PDGFRA: variants seen among roughly 807,000 people sequenced by gnomAD.
PDGFRA encodes platelet-derived growth factor receptor alpha.
In PDGFRA, 25 loss-of-function variants were observed where a neutral mutation model predicts 121.5. That is an observed-to-expected ratio of 0.21 (90% CI 0.15 to 0.29). PDGFRA has a LOEUF of 0.29. PDGFRA is among the 10% of genes least tolerant of loss of function. The pLI, the probability that PDGFRA is intolerant of heterozygous loss-of-function variation, is 1.00. For missense variants in PDGFRA, 1,008 were observed against 1,345.1 expected (o/e 0.75, Z 3.92); for synonymous variants, 463 against 494.8 (o/e 0.94, Z 0.85).
intron 16 of PDGFRA, among the ~76,000 whole-genome samples, chr4:54,283,290 C>A (rs2412557): frequency 0.74 from 112,747 of 151,994 alleles, 43,846 homozygotes; most frequent in Middle Eastern, 0.89. Context: ...TTTAATATAT[C>A]CTCCGAAATC....
chr4:54,248,514 T>C (rs1721833813), intron 1 of PDGFRA, among the ~76,000 whole-genome samples: 2 of 152,352 alleles, frequency 1.3e-5, no homozygotes, highest in African/African-American at 4.8e-5. Context: ...GCTAGCCATA[T>C]GTAGAAAGCT....
chr4:54,252,622 TA>T (rs1255870241), intron 1 of PDGFRA, among the ~76,000 whole-genome samples: 1 of 152,238 alleles, frequency 6.6e-6, no homozygotes, highest in Admixed American at 6.5e-5. Flanking sequence ...TTTTCACAGT[TA>T]GAATTAACTT....
At chr4:54,286,314 A>G (rs1560490005) in intron 18 of PDGFRA, among the ~76,000 whole-genome samples, 1 of 150,434 alleles carries the variant, frequency 6.6e-6, no homozygotes, top group Non-Finnish European at 1.5e-5. Flanking sequence ...CAATAATGTT[A>G]GCTATTTTAT....
At chr4:54,271,789 T>C in intron 8 of PDGFRA, among the ~76,000 whole-genome samples, 1 of 142,068 alleles carries the variant, frequency 7.0e-6, no homozygotes, top group African/African-American at 2.6e-5. Flanking sequence ...CCTTCCTCCC[T>C]CCCTCACTCT....
At chr4:54,258,298 T>A (rs1387178196) in intron 1 of PDGFRA, among the ~76,000 whole-genome samples, 1 of 152,120 alleles carries the variant, frequency 6.6e-6, no homozygotes, top group Non-Finnish European at 1.5e-5. Context: ...TGACACACAT[T>A]GTTGGAAGTT....
chr4:54,284,056 A>G (rs1275535522), intron 16 of PDGFRA, among the ~76,000 whole-genome samples: 1 of 152,210 alleles, frequency 6.6e-6, no homozygotes, highest in African/African-American at 2.4e-5. Flanking sequence ...TCTCAAGTTC[A>G]AACTTCCACA....
At chr4:54,231,319 T>C (rs1304703296) in intron 1 of PDGFRA, among the ~76,000 whole-genome samples, 1 of 152,206 alleles carries the variant, frequency 6.6e-6, no homozygotes, top group Non-Finnish European at 1.5e-5. Flanking sequence ...CGAGGCCAAA[T>C]TGCTCAATGT....
intron 2 of PDGFRA, 63 bp downstream of exon 2, chr4:54,258,880 T>C: frequency 1.5e-6 from 2 of 1,335,044 alleles, no homozygotes; most frequent in South Asian, 2.3e-5. Flanking sequence ...AGCTTTGTGC[T>C]GCATGGGTTT....
At chr4:54,292,465 C>T (rs186461008) in intron 22 of PDGFRA, among the ~76,000 whole-genome samples, 5 of 151,190 alleles carry the variant, frequency 3.3e-5, no homozygotes, top group East Asian at 2.0e-4. Context: ...GGGAGCTGAA[C>T]GATGAGGACA....
rs755195836 is a variant in PDGFRA, at chr4:54,290,405, C to T, written c.2973C>T (p.Val991=). The T allele has an allele frequency of 1.2e-5, 20 of 1,613,796 alleles. No individual in the cohort carries two copies. In the African/African-American group the frequency reaches 2.3e-4, roughly 18 times the overall value. The part of the protein sequence containing the change: ...RVDSDNAYIG[V]TYKNEEDKLK... ...ACTCAGACAATGCATACATTGGTGT[C>T]ACCTACAAAAACGAGGAAGACAAGC... Residue 991 remains valine (V), a synonymous_variant, in exon 22 of 23, where the codon GTC becomes GTT. Coordinates refer to ENST00000257290, the MANE Select transcript of PDGFRA (RefSeq NM_006206.6).
chr4:54,259,125 C>T (rs1489337251), intron 2 of PDGFRA, among the ~76,000 whole-genome samples: 2 of 152,020 alleles, frequency 1.3e-5, no homozygotes, highest in Non-Finnish European at 2.9e-5. Context: ...TAGGACAAGG[C>T]TTCTATTAGA....
intron 1 of PDGFRA, among the ~76,000 whole-genome samples, chr4:54,255,239 A>G (rs560337280): frequency 6.6e-6 from 1 of 152,172 alleles, no homozygotes; most frequent in African/African-American, 2.4e-5. Flanking sequence ...CTTAGTAAAT[A>G]ATGATTTCTT....
chr4:54,264,729 A>G (rs1006012195), intron 4 of PDGFRA, 190 bp from the exon 5 acceptor site: 11 of 550,592 alleles, frequency 2.0e-5, no homozygotes, highest in Non-Finnish European at 3.2e-5. Context: ...CTGTATTATA[A>G]CTATATGCCT....
intron 22 of PDGFRA, among the ~76,000 whole-genome samples, chr4:54,293,126 A>G (rs1051894360): frequency 2.6e-5 from 4 of 152,182 alleles, no homozygotes; most frequent in African/African-American, 9.6e-5. Context: ...CTGTAAGTTC[A>G]CTATGTCTCT....
intron 5 of PDGFRA, among the ~76,000 whole-genome samples, chr4:54,266,287 C>T (rs565333469): frequency 6.6e-6 from 1 of 152,174 alleles, no homozygotes; most frequent in Admixed American, 6.6e-5. Flanking sequence ...AGGTTTATTG[C>T]AGAAACTTTG....
rs373061721 is a variant in PDGFRA, at chr4:54,280,465, A to T, written c.2306A>T (p.Lys769Met). 4.7e-5 allele frequency: 76 copies of T among 1,613,396 alleles called. No individual in the cohort carries two copies. In the African/African-American group the frequency reaches 8.8e-4, roughly 19 times the overall value. Residue 769 changes from lysine (K) to methionine (M), a missense_variant, in exon 16 of 23, where the codon AAG (lysine) becomes ATG (methionine). Lys to Met is a moderately conservative substitution (Grantham distance 95, BLOSUM62 -1). Coordinates refer to ENST00000257290, the MANE Select transcript of PDGFRA (RefSeq NM_006206.6). ...RSLYDRPASY[K>M]KKSMLDSEVK... ...CTCTATGATCGTCCAGCCTCATATAAGAAGAAATCTATGTTAGGTAAAAGT... is the reference window on the plus strand; with the variant it reads ...CTCTATGATCGTCCAGCCTCATATATGAAGAAATCTATGTTAGGTAAAAGT...
chr4:54,239,397 CTT>C (rs1721177071), intron 1 of PDGFRA, among the ~76,000 whole-genome samples: 1 of 152,240 alleles, frequency 6.6e-6, no homozygotes, highest in African/African-American at 2.4e-5. Context: ...TCATTTTACT[CTT>C]TTGGCTTGCT....
chr4:54,277,540 C>A (rs2110309771), intron 13 of PDGFRA, 48 bp downstream of exon 13: 2 of 1,222,202 alleles, frequency 1.6e-6, no homozygotes, highest in Non-Finnish European at 2.4e-6. Context: ...ATTTTTTGAG[C>A]ATGGGGATAT....
intron 16 of PDGFRA, among the ~76,000 whole-genome samples, chr4:54,283,943 C>A (rs895234966): frequency 6.6e-6 from 1 of 152,156 alleles, no homozygotes; most frequent in Non-Finnish European, 1.5e-5. Context: ...CAAGTCATTT[C>A]TTTGCTTCTG....
Sources: allele counts gnomAD v4.1 joint callset (sites outside exome capture counted in the v4.1 genomes callset), GRCh38; gene constraint gnomAD v4.1.1; transcripts MANE v1.5; gene names NCBI Gene and HGNC (gene_info 2026-07-23, HGNC 2026-07-21).